The following RASEF variants were observed in gnomAD, a reference collection of about 807,000 sequenced individuals.
RASEF encodes ras and EF-hand domain-containing protein.
Under a neutral mutation model 90.1 loss-of-function variants are expected in RASEF, and 68 were observed. The ratio of observed to expected loss-of-function variants is 0.75; its 90% CI spans 0.62 to 0.92. The LOEUF is 0.92. RASEF is among the 40% of genes least tolerant of loss of function. RASEF has a pLI of 0.00. For missense variants in RASEF, 949 were observed against 937.2 expected (o/e 1.01, Z -0.16); for synonymous variants, 331 against 345.2 (o/e 0.96, Z 0.46).
At chr9:83,059,403 G>A (rs991270685) in intron 1 of RASEF, among the ~76,000 whole-genome samples, 1 of 150,608 alleles carries the variant, frequency 6.6e-6, no homozygotes, top group Non-Finnish European at 1.5e-5. Flanking sequence ...AAAAGAAGTG[G>A]AGAAAATGCT....
the RASEF span, among the ~76,000 whole-genome samples, chr9:83,135,259 AC>A: frequency 1.2e-4 from 18 of 152,084 alleles, no homozygotes; most frequent in Non-Finnish European, 2.6e-4. Flanking sequence ...AAAAAACCAA[AC>A]ACTGCATGTT....
At chr9:83,057,335 G>A (rs573462702) in intron 1 of RASEF, among the ~76,000 whole-genome samples, 1 of 152,328 alleles carries the variant, frequency 6.6e-6, no homozygotes, top group African/African-American at 2.4e-5. Context: ...AACGAATTCA[G>A]TTAATTCTCA....
chr9:83,183,669 G>A, the RASEF span, among the ~76,000 whole-genome samples: 18 of 152,222 alleles, frequency 1.2e-4, no homozygotes, highest in East Asian at 2.7e-3. Flanking sequence ...TTTAAAAAGC[G>A]GTCAGGGCAT....
the RASEF span, among the ~76,000 whole-genome samples, chr9:83,146,395 A>T: frequency 6.6e-6 from 1 of 152,170 alleles, no homozygotes; most frequent in African/African-American, 2.4e-5. Flanking sequence ...AAAGATTTCT[A>T]AACCCATACA....
the RASEF span, among the ~76,000 whole-genome samples, chr9:83,110,007 C>T: frequency 6.6e-6 from 1 of 152,174 alleles, no homozygotes; most frequent in African/African-American, 2.4e-5. Flanking sequence ...CATGCTGATA[C>T]TCAACTCTTA....
At chr9:83,182,178 A>G in the RASEF span, among the ~76,000 whole-genome samples, 4 of 152,156 alleles carry the variant, frequency 2.6e-5, no homozygotes, top group Admixed American at 6.5e-5. Flanking sequence ...AGTCCCTCTC[A>G]CTATAAAAAA....
At chr9:83,022,564 C>A (rs999259144) in intron 2 of RASEF, 138 bp from the exon 3 acceptor site, 17 of 648,640 alleles carry the variant, frequency 2.6e-5, no homozygotes, top group Non-Finnish European at 4.0e-5. Context: ...TTTCCCATTC[C>A]TTCTACATAA....
the RASEF span, among the ~76,000 whole-genome samples, chr9:83,100,743 C>G: frequency 1.3e-5 from 2 of 152,142 alleles, no homozygotes; most frequent in East Asian, 3.9e-4. Flanking sequence ...ATTGGAGATG[C>G]TGCTACTTCT....
chr9:83,079,868 T>C, the RASEF span, among the ~76,000 whole-genome samples: 6,808 of 151,476 alleles, frequency 0.045, 495 homozygotes, highest in African/African-American at 0.16. Flanking sequence ...CATGGACAAA[T>C]AGCTAAACTA....
the RASEF span, among the ~76,000 whole-genome samples, chr9:83,076,721 C>A: frequency 6.6e-6 from 1 of 152,064 alleles, no homozygotes; most frequent in Non-Finnish European, 1.5e-5. Flanking sequence ...TCAATGGATT[C>A]CCCAATTTTA....
At chr9:83,023,623 T>A (rs1484657030) in intron 2 of RASEF, among the ~76,000 whole-genome samples, 1 of 152,234 alleles carries the variant, frequency 6.6e-6, no homozygotes, top group Non-Finnish European at 1.5e-5. Context: ...TTCCTCATCT[T>A]ATAGCCTGTC....
At chr9:83,096,962 T>G in the RASEF span, among the ~76,000 whole-genome samples, 1 of 152,058 alleles carries the variant, frequency 6.6e-6, no homozygotes, top group Non-Finnish European at 1.5e-5. Flanking sequence ...GGACATGAAC[T>G]CATCATTTTT....
the RASEF span, among the ~76,000 whole-genome samples, chr9:83,175,639 G>A: frequency 6.6e-6 from 1 of 151,696 alleles, no homozygotes; most frequent in Non-Finnish European, 1.5e-5. Flanking sequence ...GGAGTGCAGT[G>A]GTGTGATCTT....
the RASEF span, among the ~76,000 whole-genome samples, chr9:83,071,202 T>G: frequency 6.6e-6 from 1 of 152,182 alleles, no homozygotes; most frequent in Admixed American, 6.5e-5. Context: ...TTATTCCTAG[T>G]CACAGGGGAT....
chr9:83,027,809 T>C (rs547356612), intron 1 of RASEF, among the ~76,000 whole-genome samples: 8 of 152,282 alleles, frequency 5.3e-5, no homozygotes, highest in African/African-American at 1.4e-4. Flanking sequence ...TCATCTGCTA[T>C]GGATGGATGC....
the RASEF span, among the ~76,000 whole-genome samples, chr9:83,178,661 C>T: frequency 2.6e-5 from 4 of 152,174 alleles, no homozygotes; most frequent in African/African-American, 9.7e-5. Context: ...TTAATAAATA[C>T]ATCTAAGATT....
chr9:83,058,690 T>C lies in RASEF; in HGVS notation c.431+3747A>G, dbSNP rs557882683. ...AACTTCGCCTCTGCCTACTGGCAGCTACTTGTTTTTAAAAATTTCCCAATT... is the reference window on the plus strand; with the variant it reads ...AACTTCGCCTCTGCCTACTGGCAGCCACTTGTTTTTAAAAATTTCCCAATT... On this transcript the variant is annotated intron_variant, in intron 1 of 16. Transcript: ENST00000376447. Among the ~76,000 whole-genome samples, 4 of 152,324 alleles carry C rather than the reference T, an allele frequency of 2.6e-5. No homozygotes were observed. The South Asian group carries it at 8.3e-4, about 32-fold the overall frequency.
At chr9:83,164,373 A>ATATATATATATGTG in the RASEF span, among the ~76,000 whole-genome samples, 4 of 141,976 alleles carry the variant, frequency 2.8e-5, no homozygotes, top group East Asian at 2.0e-4. Context: ...ATATATATAT[A>ATATATATATATGTG]TGTGTGTGTG....
At chr9:83,176,343 A>G in the RASEF span, among the ~76,000 whole-genome samples, 2 of 152,174 alleles carry the variant, frequency 1.3e-5, no homozygotes, top group East Asian at 3.9e-4. Context: ...TACATGAAAT[A>G]ACTTTTTCAC....
Sources: allele counts gnomAD v4.1 joint callset (sites outside exome capture counted in the v4.1 genomes callset), GRCh38; gene constraint gnomAD v4.1.1; transcripts MANE v1.5; gene names NCBI Gene and HGNC (gene_info 2026-07-23, HGNC 2026-07-21).